Variants in PTPRM observed in about 807,000 individuals in gnomAD.
PTPRM encodes protein tyrosine phosphatase receptor type M, also known as receptor-type tyrosine-protein phosphatase mu.
In PTPRM, 47 loss-of-function variants were observed where a neutral mutation model predicts 186.7. The observed-to-expected ratio is 0.25, with a 90% CI of 0.20 to 0.32. The LOEUF (loss-of-function observed/expected upper bound fraction) is 0.32. Ranked by LOEUF, PTPRM falls within the 10% of genes least tolerant of loss-of-function variation. The pLI is 1.00. For synonymous variants in PTPRM, 668 were observed against 674.9 expected (o/e 0.99, Z 0.16); for missense variants, 1,494 against 1,865.0 (o/e 0.80, Z 3.66).
chr18:8,000,736 C>T (rs754356248), intron 7 of PTPRM, among the ~76,000 whole-genome samples: 1 of 152,192 alleles, frequency 6.6e-6, no homozygotes, highest in African/African-American at 2.4e-5. Flanking sequence ...CCATTTCACA[C>T]CATATATCAT....
intron 2 of PTPRM, among the ~76,000 whole-genome samples, chr18:7,829,869 T>C (rs1331970312): frequency 6.6e-6 from 1 of 152,140 alleles, no homozygotes; most frequent in Admixed American, 6.5e-5. Context: ...TCTATTTACT[T>C]TCCCCCCTTT....
intron 7 of PTPRM, among the ~76,000 whole-genome samples, chr18:7,996,995 C>G (rs752480821): frequency 5.9e-5 from 9 of 152,020 alleles, no homozygotes; most frequent in Non-Finnish European, 1.3e-4. Flanking sequence ...TCATTGCAAT[C>G]CCTAACAAAA....
At chr18:7,795,643 C>T (rs1207499737) in intron 2 of PTPRM, among the ~76,000 whole-genome samples, 1 of 151,988 alleles carries the variant, frequency 6.6e-6, no homozygotes, top group African/African-American at 2.4e-5. Flanking sequence ...TCATCTTCTG[C>T]CTTCCTATTG....
At chr18:7,978,006 C>T (rs755638019) in intron 7 of PTPRM, among the ~76,000 whole-genome samples, 7 of 152,196 alleles carry the variant, frequency 4.6e-5, no homozygotes, top group East Asian at 1.9e-4. Flanking sequence ...AGTAAGGAAA[C>T]GACTTGTGCA....
intron 7 of PTPRM, among the ~76,000 whole-genome samples, chr18:7,999,028 C>T (rs2083711427): frequency 6.6e-6 from 1 of 152,134 alleles, no homozygotes; most frequent in South Asian, 2.1e-4. Flanking sequence ...GTATTCATTC[C>T]TTTTCCAATC....
chr18:7,865,853 A>C (rs1350285450), intron 2 of PTPRM, among the ~76,000 whole-genome samples: 2 of 152,106 alleles, frequency 1.3e-5, no homozygotes, highest in Admixed American at 6.6e-5. Context: ...TTACTGCCTC[A>C]GTTTCAGAAC....
intron 1 of PTPRM, among the ~76,000 whole-genome samples, chr18:7,582,551 A>G (rs537784948): frequency 1.9e-4 from 29 of 152,222 alleles, no homozygotes; most frequent in Non-Finnish European, 3.8e-4. Flanking sequence ...GCAGGGTCAC[A>G]TGGTAAAGAG....
chr18:7,771,017 A>G (rs1017046513), intron 1 of PTPRM, among the ~76,000 whole-genome samples: 28 of 152,320 alleles, frequency 1.8e-4, no homozygotes, highest in African/African-American at 6.7e-4. Flanking sequence ...AGTGATAAGA[A>G]CAGCTTTGTG....
At chr18:7,754,072 G>T (rs374412076) in intron 1 of PTPRM, among the ~76,000 whole-genome samples, 1 of 152,236 alleles carries the variant, frequency 6.6e-6, no homozygotes. Flanking sequence ...AAAATGACAA[G>T]CTTATATTTC....
intron 1 of PTPRM, among the ~76,000 whole-genome samples, chr18:7,745,461 C>T (rs2040966923): frequency 6.6e-6 from 1 of 152,192 alleles, no homozygotes; most frequent in Non-Finnish European, 1.5e-5. Context: ...GACTCACAGG[C>T]TCTGGGAGAG....
rs187965306 is a variant in PTPRM at position 8,111,402 on chromosome 18, G to A, written c.1857-2084G>A. Among the ~76,000 whole-genome samples, 703 of 152,270 alleles carry A rather than the reference G, an allele frequency of 4.6e-3. 4 individuals are homozygous for A. Among genetic ancestry groups the A allele is most frequent in the South Asian group, 8.1e-3 (39 of 4,814 alleles). ...CCGAGGCGGGCGGATCACGATGTCA[G>A]GAGATTGAGATCCTGGCTAACACGG... is the stretch of plus-strand genomic sequence containing the variant. On this transcript the variant is annotated intron_variant, in intron 11 of 32. Transcript: ENST00000580170.
chr18:8,336,083 AG>A (rs2095437548), intron 22 of PTPRM, among the ~76,000 whole-genome samples: 3 of 152,276 alleles, frequency 2.0e-5, no homozygotes, highest in South Asian at 4.1e-4. Flanking sequence ...TACTGCTTCA[AG>A]GGTTCTGAGT....
chr18:8,247,659 T>C lies in PTPRM; in HGVS notation c.2453-186T>C, dbSNP rs1250649399. 3.9e-5 allele frequency among the ~76,000 whole-genome samples: 6 copies of C among 152,182 alleles called. No homozygotes were observed. In the East Asian group the frequency reaches 1.2e-3, roughly 29 times the overall value. On this transcript the variant is annotated intron_variant, in intron 15 of 32. Coordinates refer to ENST00000580170, the MANE Select transcript of PTPRM (RefSeq NM_001105244.2). ...AAGTCTTTAAGTGACGAAAGGTTGC[T>C]TGTCTTCTAAAGGATAAGTAAGTAC...
intron 1 of PTPRM, among the ~76,000 whole-genome samples, chr18:7,765,850 A>C (rs1344448996): frequency 6.6e-6 from 1 of 152,206 alleles, no homozygotes; most frequent in South Asian, 2.1e-4. Context: ...ATTTTCCAGA[A>C]AACTCATCAA....
chr18:7,954,757 A>T (rs1177921761), intron 6 of PTPRM, among the ~76,000 whole-genome samples: 1 of 152,214 alleles, frequency 6.6e-6, no homozygotes, highest in African/African-American at 2.4e-5. Context: ...TGTAATTAGT[A>T]TCCTAAAACA....
rs76379159 is a variant in PTPRM at position 7,675,442 on chromosome 18, G to A, written c.74-98707G>A. Among the ~76,000 whole-genome samples, 109 of 152,148 alleles carry A rather than the reference G, an allele frequency of 7.2e-4. 1 individual carries two copies. Among genetic ancestry groups the A allele is most frequent in the Admixed American group, 1.9e-3 (29 of 15,270 alleles). ...GAACACCAGGGCTTAAACTCACCAGGAGCCCACTGAGAGCCCATGTATTTA... is the reference window on the plus strand; with the variant it reads ...GAACACCAGGGCTTAAACTCACCAGAAGCCCACTGAGAGCCCATGTATTTA... On this transcript the variant is annotated intron_variant, in intron 1 of 32. Coordinates refer to ENST00000580170, the MANE Select transcript of PTPRM (RefSeq NM_001105244.2).
At chr18:7,643,465 G>A (rs1226237133) in intron 1 of PTPRM, among the ~76,000 whole-genome samples, 6 of 151,854 alleles carry the variant, frequency 4.0e-5, no homozygotes, top group East Asian at 1.9e-4. Context: ...TCAGCCTCCC[G>A]AGTAGCTGGG....
intron 1 of PTPRM, among the ~76,000 whole-genome samples, chr18:7,691,709 G>A (rs982015953): frequency 6.6e-6 from 1 of 152,118 alleles, no homozygotes; most frequent in Admixed American, 6.6e-5. Flanking sequence ...GAGTCCAGGA[G>A]TTCAAGACTG....
intron 4 of PTPRM, among the ~76,000 whole-genome samples, chr18:7,925,457 A>G (rs1179843402): frequency 6.6e-6 from 1 of 152,158 alleles, no homozygotes; most frequent in Admixed American, 6.5e-5. Flanking sequence ...TAGTAACTCA[A>G]CTTCCATTCC....
Sources: gnomAD v4.1 joint callset for allele counts (sites outside exome capture counted in the v4.1 genomes callset) on GRCh38, gnomAD v4.1.1 for gene constraint, MANE v1.5 for transcripts, NCBI Gene and HGNC (gene_info 2026-07-23, HGNC 2026-07-21) for gene names.